Variants in OSBPL8 observed in about 807,000 individuals in gnomAD.
OSBPL8 encodes the protein oxysterol-binding protein-related protein 8.
A neutral mutation model predicts 125.5 loss-of-function variants in OSBPL8; 59 were observed. That is an observed-to-expected ratio of 0.47 (90% CI 0.38 to 0.58). The LOEUF is 0.58. OSBPL8 is among the 20% of genes least tolerant of loss of function. The pLI is 0.00. For missense variants in OSBPL8, 758 were observed against 1,047.8 expected, an observed-to-expected ratio of 0.72 and a Z score of 3.82; for synonymous variants, 330 against 338.9, an observed-to-expected ratio of 0.97 and a Z score of 0.29.
At chr12:76,531,797 G>C (rs1184777926) in intron 1 of OSBPL8, among the ~76,000 whole-genome samples, 2 of 152,024 alleles carry the variant, frequency 1.3e-5, no homozygotes, top group Non-Finnish European at 2.9e-5. Context: ...CAGCACTTTG[G>C]GAAGCCGAGG....
chr12:76,529,980 T>A (rs1950288868), intron 1 of OSBPL8, among the ~76,000 whole-genome samples: 1 of 152,192 alleles, frequency 6.6e-6, no homozygotes. Context: ...ACATGCTGAT[T>A]GCTCATTCTG....
intron 15 of OSBPL8, among the ~76,000 whole-genome samples, chr12:76,382,214 C>T (rs910008059): frequency 2.0e-5 from 3 of 152,094 alleles, no homozygotes; most frequent in African/African-American, 7.2e-5. Context: ...TATCTGTCCC[C>T]TCTGATTTTT....
At chr12:76,382,033 C>A (rs1953079204) in intron 15 of OSBPL8, among the ~76,000 whole-genome samples, 1 of 152,132 alleles carries the variant, frequency 6.6e-6, no homozygotes, top group Non-Finnish European at 1.5e-5. Flanking sequence ...CCATGCGCGG[C>A]CTACTTTCCA....
chr12:76,366,487 C>G (rs1164958854), intron 21 of OSBPL8: 3 of 353,304 alleles, frequency 8.5e-6, no homozygotes, highest in African/African-American at 2.2e-5. Context: ...TATCAAAGAG[C>G]AACTTTTGGT....
intron 4 of OSBPL8, among the ~76,000 whole-genome samples, chr12:76,434,886 A>C (rs1037486896): frequency 4.6e-5 from 7 of 152,224 alleles, no homozygotes; most frequent in African/African-American, 1.7e-4. Context: ...ATGCAGGGAA[A>C]AAGGGACTCT....
chr12:76,460,601 T>C (rs1238514012), intron 2 of OSBPL8, among the ~76,000 whole-genome samples: 3 of 151,984 alleles, frequency 2.0e-5, no homozygotes, highest in Non-Finnish European at 2.9e-5. Context: ...TTGGAGCTAA[T>C]GGTCTTTGGG....
intron 4 of OSBPL8, among the ~76,000 whole-genome samples, chr12:76,423,756 A>AT (rs919758934): frequency 6.6e-5 from 10 of 152,030 alleles, no homozygotes; most frequent in Non-Finnish European, 5.9e-5. Flanking sequence ...CCGTAGATTG[A>AT]TTTTTTTGGT....
At chr12:76,521,786 G>C (rs1882083488) in intron 1 of OSBPL8, among the ~76,000 whole-genome samples, 1 of 152,174 alleles carries the variant, frequency 6.6e-6, no homozygotes, top group African/African-American at 2.4e-5. Flanking sequence ...ATCGCCAGGG[G>C]ACAGGGGGAG....
At chr12:76,455,793 G>A (rs187142345) in intron 3 of OSBPL8, among the ~76,000 whole-genome samples, 1 of 152,292 alleles carries the variant, frequency 6.6e-6, no homozygotes, top group Admixed American at 6.5e-5. Context: ...GAGGGACAGT[G>A]ACTTTTTTTC....
rs1314235246 is a variant in OSBPL8, at chr12:76,559,635, G to A, written c.-306C>T. 4 of 152,230 alleles carry A rather than the reference G, an allele frequency of 2.6e-5. No homozygotes were observed. The highest frequency in any genetic ancestry group is 9.6e-5 in the African/African-American group (4 of 41,462). 9.4% of individuals were successfully genotyped at this position (152,230 alleles called of 1,614,324 possible). ...TTCGGCCCCGAGGTCCACCAGCCCG[G>A]GCGGACCCCCACCTTCCCTCAGTCG... On this transcript the variant is annotated 5_prime_UTR_variant, in exon 1 of 24. Coordinates refer to ENST00000261183, the MANE Select transcript of OSBPL8 (RefSeq NM_020841.5).
intron 1 of OSBPL8, among the ~76,000 whole-genome samples, chr12:76,513,545 C>T (rs1430759573): frequency 6.6e-6 from 1 of 152,072 alleles, no homozygotes; most frequent in Non-Finnish European, 1.5e-5. Flanking sequence ...CCACTATTAT[C>T]GTGCGGGAGT....
intron 9 of OSBPL8, among the ~76,000 whole-genome samples, chr12:76,394,175 T>C (rs1953694013): frequency 6.6e-6 from 1 of 152,166 alleles, no homozygotes; most frequent in South Asian, 2.1e-4. Context: ...AAAGTTACCT[T>C]GATATCATTT....
At chr12:76,490,719 C>G (rs1184232278) in intron 1 of OSBPL8, among the ~76,000 whole-genome samples, 3 of 152,258 alleles carry the variant, frequency 2.0e-5, no homozygotes, top group Non-Finnish European at 4.4e-5. Context: ...AAGGCTGTCA[C>G]ACTGGCCCCT....
chr12:76,481,193 T>C (rs1321682230), intron 2 of OSBPL8, among the ~76,000 whole-genome samples: 1 of 152,214 alleles, frequency 6.6e-6, no homozygotes, highest in African/African-American at 2.4e-5. Context: ...CTTCCAGAAC[T>C]GCTAAGAGAA....
intron 1 of OSBPL8, among the ~76,000 whole-genome samples, chr12:76,492,936 A>ATATATAGATAT (rs950693428): frequency 1.3e-5 from 2 of 149,110 alleles, no homozygotes; most frequent in African/African-American, 4.9e-5. Flanking sequence ...ATATATAGAT[A>ATATATAGATAT]TTTTTTTTTT....
At chr12:76,390,898 CA>C (rs1953531512) in intron 10 of OSBPL8, among the ~76,000 whole-genome samples, 1 of 152,018 alleles carries the variant, frequency 6.6e-6, no homozygotes, top group Admixed American at 6.6e-5. Flanking sequence ...TAGAGAAATG[CA>C]AAAAGATGAC....
Position 76,387,330 on chromosome 12 carries a change from C to G in OSBPL8, c.1353-670G>C, listed in dbSNP as rs368201566. Among the ~76,000 whole-genome samples the G allele has an allele frequency of 5.7e-4, 87 of 152,208 alleles. 2 individuals carry two copies. The highest frequency in any genetic ancestry group is 2.1e-3 in the African/African-American group (86 of 41,544). On this transcript the variant is annotated intron_variant, in intron 12 of 23. Coordinates refer to ENST00000261183, the MANE Select transcript of OSBPL8 (RefSeq NM_020841.5). ...TCAAATTACAAATATGATGCAGAGC[C>G]AAAATAATTAAATCAATACGGAAGG...
At chr12:76,552,138 A>G (rs1253875474) in intron 1 of OSBPL8, among the ~76,000 whole-genome samples, 1 of 152,068 alleles carries the variant, frequency 6.6e-6, no homozygotes, top group Middle Eastern at 3.2e-3. Context: ...CTAGTGAAAA[A>G]CTAGTGGCAG....
intron 20 of OSBPL8, 140 bp downstream of exon 20, chr12:76,369,497 G>C (rs564087291): frequency 2.2e-6 from 3 of 1,336,008 alleles, no homozygotes; most frequent in East Asian, 2.5e-5. Context: ...TATAATGAAT[G>C]CAAAACCAAG....
Sources: gnomAD v4.1 joint callset for allele counts (sites outside exome capture counted in the v4.1 genomes callset) on GRCh38, gnomAD v4.1.1 for gene constraint, MANE v1.5 for transcripts, NCBI Gene and HGNC (gene_info 2026-07-23, HGNC 2026-07-21) for gene names.